Variants in PTPRD observed in about 807,000 individuals in gnomAD.
PTPRD encodes the protein protein tyrosine phosphatase receptor type D.
In PTPRD, 34 loss-of-function variants were observed where a neutral mutation model predicts 214.5. The observed-to-expected ratio is 0.16, with a 90% confidence interval of 0.12 to 0.21. PTPRD has a LOEUF of 0.21. Among genes scored for constraint, PTPRD ranks in the 10% least tolerant of loss-of-function variants. PTPRD has a pLI of 1.00. For synonymous variants in PTPRD, 1,128 were observed against 845.7 expected, an observed-to-expected ratio of 1.33 and a Z score of -5.79; for missense variants, 2,545 against 2,398.7, an observed-to-expected ratio of 1.06 and a Z score of -1.27.
At chr9:9,530,741 G>A (rs966107061) in intron 8 of PTPRD, among the ~76,000 whole-genome samples, 13 of 152,120 alleles carry the variant, frequency 8.5e-5, no homozygotes, top group Non-Finnish European at 1.8e-4. Flanking sequence ...GCAGCAACAT[G>A]GATGGAACAG....
chr9:9,214,527 G>C (rs971738132), intron 9 of PTPRD, among the ~76,000 whole-genome samples: 1 of 151,532 alleles, frequency 6.6e-6, no homozygotes, highest in Non-Finnish European at 1.5e-5. Context: ...GGGGGTGGGA[G>C]AGGGAAAGCT....
chr9:9,979,970 A>C (rs1400474649), intron 4 of PTPRD, among the ~76,000 whole-genome samples: 2 of 152,160 alleles, frequency 1.3e-5, no homozygotes, highest in Non-Finnish European at 2.9e-5. Flanking sequence ...CTGATCATAG[A>C]CTCTTGTTGT....
chr9:10,188,812 A>T (rs1341328235), intron 3 of PTPRD, among the ~76,000 whole-genome samples: 1 of 152,198 alleles, frequency 6.6e-6, no homozygotes, highest in African/African-American at 2.4e-5. Context: ...TACAAAAGAC[A>T]CTATGAGTAC....
intron 7 of PTPRD, among the ~76,000 whole-genome samples, chr9:9,604,805 T>G (rs1002939083): frequency 1.3e-5 from 2 of 151,998 alleles, no homozygotes; most frequent in Non-Finnish European, 2.9e-5. Flanking sequence ...TCACATGTTT[T>G]GCCATTCTTC....
chr9:9,094,747 A>C (rs1429484465), intron 10 of PTPRD, among the ~76,000 whole-genome samples: 2 of 152,242 alleles, frequency 1.3e-5, no homozygotes, highest in Non-Finnish European at 1.5e-5. Flanking sequence ...AATATTTAAC[A>C]ACAACAAACA....
At chr9:10,243,021 G>T (rs978779429) in intron 3 of PTPRD, among the ~76,000 whole-genome samples, 1 of 151,956 alleles carries the variant, frequency 6.6e-6, no homozygotes, top group Middle Eastern at 3.4e-3. Context: ...ACACATTTCT[G>T]GTTTTGTAAC....
chr9:9,950,060 C>A (rs1357376060), intron 4 of PTPRD, among the ~76,000 whole-genome samples: 1 of 152,170 alleles, frequency 6.6e-6, no homozygotes, highest in African/African-American at 2.4e-5. Flanking sequence ...CATAGTCCAG[C>A]CCATAGATAT....
chr9:10,455,765 G>A (rs1402361232), intron 2 of PTPRD, among the ~76,000 whole-genome samples: 3 of 151,650 alleles, frequency 2.0e-5, no homozygotes, highest in South Asian at 2.1e-4. Flanking sequence ...AAATTTCAGC[G>A]ATGTAGATCT....
At chr9:9,509,779 G>A (rs940240970) in intron 8 of PTPRD, among the ~76,000 whole-genome samples, 2 of 145,498 alleles carry the variant, frequency 1.4e-5, no homozygotes, top group Non-Finnish European at 3.0e-5. Context: ...ATTTACCACA[G>A]TTTATTGAAA....
intron 12 of PTPRD, among the ~76,000 whole-genome samples, chr9:8,697,138 T>C (rs1457292917): frequency 3.9e-5 from 6 of 152,070 alleles, no homozygotes; most frequent in Non-Finnish European, 7.4e-5. Flanking sequence ...ATCACGACCA[T>C]GGAACTAGGG....
chr9:10,122,805 C>G (rs2098786958), intron 3 of PTPRD, among the ~76,000 whole-genome samples: 1 of 152,230 alleles, frequency 6.6e-6, no homozygotes, highest in Non-Finnish European at 1.5e-5. Context: ...ACCTTCCACC[C>G]TGACTTAACC....
intron 7 of PTPRD, among the ~76,000 whole-genome samples, chr9:9,675,783 C>T (rs1594923244): frequency 6.6e-6 from 1 of 151,932 alleles, no homozygotes; most frequent in South Asian, 2.1e-4. Context: ...TAAAAGCGTC[C>T]CAATTCATTC....
chr9:8,491,243 A>G (rs1190294215), intron 27 of PTPRD, among the ~76,000 whole-genome samples: 1 of 152,234 alleles, frequency 6.6e-6, no homozygotes, highest in Non-Finnish European at 1.5e-5. Flanking sequence ...TTGTGAATGA[A>G]AATTCCAAAG....
chr9:8,735,088 C>A (rs998620811), intron 11 of PTPRD, among the ~76,000 whole-genome samples: 2 of 150,626 alleles, frequency 1.3e-5, no homozygotes, highest in African/African-American at 4.9e-5. Context: ...GTTCGTGGGT[C>A]AGTAGGTCTG....
intron 3 of PTPRD, among the ~76,000 whole-genome samples, chr9:10,083,344 G>C (rs895788463): frequency 6.6e-6 from 1 of 151,954 alleles, no homozygotes; most frequent in Non-Finnish European, 1.5e-5. Flanking sequence ...CATTCTCAAT[G>C]CCTATGTAGG....
chr9:8,493,298 C>G (rs1015145532), intron 26 of PTPRD, among the ~76,000 whole-genome samples: 4 of 152,198 alleles, frequency 2.6e-5, no homozygotes, highest in Admixed American at 6.5e-5. Context: ...GTTTACCTAT[C>G]TGTGCCTCCA....
In PTPRD at chr9:9,783,365, C is replaced by A. The variant is rs1265388674; in HGVS notation, c.-367-16514G>T. Among the ~76,000 whole-genome samples the A allele has an allele frequency of 2.0e-5, 3 of 152,224 alleles. No homozygotes were observed. In the East Asian group the frequency reaches 5.8e-4, roughly 29 times the overall value. On this transcript the variant is annotated intron_variant, in intron 5 of 45. Transcript: ENST00000381196. Reference sequence around the variant, plus strand: ...ATAATTGGACTAGGAGAAGTAGAATCTTTCTTTTCATTAGACTTCTCTTTT... The same window carrying A: ...ATAATTGGACTAGGAGAAGTAGAATATTTCTTTTCATTAGACTTCTCTTTT...
intron 11 of PTPRD, among the ~76,000 whole-genome samples, chr9:8,747,165 T>A (rs2092918536): frequency 6.6e-6 from 1 of 152,194 alleles, no homozygotes; most frequent in South Asian, 2.1e-4. Flanking sequence ...CTTTAATATT[T>A]TTAAATCATA....
At chr9:9,935,099 C>A (rs1002725917) in intron 5 of PTPRD, among the ~76,000 whole-genome samples, 2 of 152,080 alleles carry the variant, frequency 1.3e-5, no homozygotes, top group Non-Finnish European at 2.9e-5. Flanking sequence ...CTCTCTATGA[C>A]AAACCCACAG....
Sources: gnomAD v4.1 joint callset for allele counts (sites outside exome capture counted in the v4.1 genomes callset) on GRCh38, gnomAD v4.1.1 for gene constraint, MANE v1.5 for transcripts, NCBI Gene and HGNC (gene_info 2026-07-23, HGNC 2026-07-21) for gene names.